The following TRMT44 variants were observed in gnomAD, a reference collection of about 807,000 sequenced individuals.
TRMT44 encodes the protein tRNA methyltransferase 44 homolog, also known as probable tRNA (uracil-O(2)-)-methyltransferase.
A neutral mutation model predicts 77.3 loss-of-function variants in TRMT44; 78 were observed. The observed-to-expected ratio is 1.01, with a 90% CI of 0.84 to 1.22. The LOEUF (loss-of-function observed/expected upper bound fraction) is 1.22. Ranked by LOEUF, TRMT44 falls within the 50% of genes most tolerant of loss-of-function variation. The pLI, the probability that TRMT44 is intolerant of heterozygous loss-of-function variation, is 0.00. For missense variants in TRMT44, 1,090 were observed against 964.4 expected (o/e 1.13, Z -1.73); for synonymous variants, 391 against 383.3 (o/e 1.02, Z -0.23).
chr4:8,443,107 G>A (rs766808063), intron 1 of TRMT44, among the ~76,000 whole-genome samples: 7 of 152,170 alleles, frequency 4.6e-5, no homozygotes, highest in Non-Finnish European at 5.9e-5. Context: ...AATACTGTCT[G>A]CCTCTGTGCC....
At chr4:8,470,917 G>T in intron 9 of TRMT44, 167 bp from the exon 10 acceptor site, 1 of 556,098 alleles carries the variant, frequency 1.8e-6, no homozygotes, top group Non-Finnish European at 3.2e-6. Context: ...CGGCCCTCAC[G>T]GTTTGGTGCG....
the TRMT44 span, among the ~76,000 whole-genome samples, chr4:8,500,713 G>C: frequency 6.6e-6 from 1 of 151,136 alleles, no homozygotes; most frequent in African/African-American, 2.4e-5. Flanking sequence ...CTGGAGTGCA[G>C]TGGCGTTGAC....
chr4:8,469,733 CTT>C (rs1266932789), intron 9 of TRMT44, among the ~76,000 whole-genome samples: 1 of 152,200 alleles, frequency 6.6e-6, no homozygotes, highest in African/African-American at 2.4e-5. Context: ...GGGTCTGGGG[CTT>C]GTTAGGGACT....
At chr4:8,450,683 C>T (rs963994089) in intron 3 of TRMT44, among the ~76,000 whole-genome samples, 26 of 152,120 alleles carry the variant, frequency 1.7e-4, no homozygotes, top group Non-Finnish European at 8.8e-5. Context: ...TGTGTTTATG[C>T]CCAGCTTAAG....
At chr4:8,499,880 T>TCACCCTG in the TRMT44 span, among the ~76,000 whole-genome samples, 3,435 of 152,186 alleles carry the variant, frequency 0.023, 73 homozygotes, top group African/African-American at 0.053. Context: ...GAGTTTACTA[T>TCACCCTG]ATAACAAACC....
At chr4:8,476,712 G>A (rs1727409446), downstream of TRMT44, 1 of 152,158 alleles carries the variant, frequency 6.6e-6, no homozygotes, top group Non-Finnish European at 1.5e-5. Flanking sequence ...GTCCTTTTTA[G>A]TCCTTCCAGA....
the TRMT44 span, among the ~76,000 whole-genome samples, chr4:8,501,323 C>T: frequency 2.2e-4 from 33 of 152,080 alleles, no homozygotes; most frequent in Admixed American, 1.4e-3. This position sits in a 1 kb window ranked among gnomAD's most constrained non-coding sequence, Gnocchi z 4.4. Flanking sequence ...CCCTGCAGTT[C>T]GAAGTCTGAG....
chr4:8,440,874 C>T lies in TRMT44; in HGVS notation c.52C>T (p.Gln18Ter). 6.6e-7 allele frequency: 1 copy of T among 1,524,428 alleles called. No individual in the cohort carries two copies. Among genetic ancestry groups the T allele is most frequent in the East Asian group, 2.5e-5 (1 of 40,116 alleles). 94.4% of individuals were successfully genotyped at this position (1,524,428 alleles called of 1,614,324 possible). A position where few individuals can be genotyped will look rare whatever the true frequency, so the allele number is the denominator to read the frequency against. Reference protein sequence around the residue: ...GISYPGALLPQGFWAAVEVWL... With the variant: ...GISYPGALLP ...CAGCTACCCAGGCGCGCTTCTCCCACAGGGCTTCTGGGCTGCGGTCGAAGT... is the reference window on the plus strand; with the variant it reads ...CAGCTACCCAGGCGCGCTTCTCCCATAGGGCTTCTGGGCTGCGGTCGAAGT... Residue 18 changes from glutamine (Q) to a stop codon, truncating the protein, a stop_gained, in exon 1 of 11, where the codon CAG becomes TAG. Coordinates refer to ENST00000389737, the MANE Select transcript of TRMT44 (RefSeq NM_152544.3). LOFTEE classifies it high-confidence loss of function.
chr4:8,468,366 A>G lies in TRMT44; in HGVS notation c.1927+20A>G. Reference sequence around the variant, plus strand: ...GGGGAGGTAAGCTGTCCACCATCTTAGGGAGGGGCTAGCACGCTCCCAGGC... The same window carrying G: ...GGGGAGGTAAGCTGTCCACCATCTTGGGGAGGGGCTAGCACGCTCCCAGGC... On this transcript the variant is annotated intron_variant, in intron 9 of 10. Transcript: ENST00000389737. 6.2e-7 allele frequency: 1 copy of G among 1,612,696 alleles called. No homozygotes were observed. The highest frequency in any genetic ancestry group is 8.5e-7 in the Non-Finnish European group (1 of 1,179,026).
At chr4:8,503,130 A>AGGACTT in the TRMT44 span, among the ~76,000 whole-genome samples, 84 of 152,182 alleles carry the variant, frequency 5.5e-4, no homozygotes, top group African/African-American at 1.9e-3. Flanking sequence ...CTGTAGAGGG[A>AGGACTT]GGACTTGGAC....
At chr4:8,471,264 A>G (rs1032435414) in intron 10 of TRMT44, 64 bp downstream of exon 10, 24 of 1,203,452 alleles carry the variant, frequency 2.0e-5, no homozygotes, top group Non-Finnish European at 4.7e-6. Context: ...CAGTTAAATA[A>G]TGTTTTATTT....
intron 2 of TRMT44, among the ~76,000 whole-genome samples, chr4:8,481,678 C>CT (rs1034686000): frequency 6.6e-6 from 1 of 152,194 alleles, no homozygotes; most frequent in South Asian, 2.1e-4. Context: ...TACTTTTAAA[C>CT]TTTTTTGTTA....
intron 10 of TRMT44, among the ~76,000 whole-genome samples, chr4:8,472,177 G>C (rs1727050058): frequency 6.6e-6 from 1 of 152,218 alleles, no homozygotes; most frequent in Non-Finnish European, 1.5e-5. Context: ...TGTGCAGGGA[G>C]AACTGGCCTG....
At chr4:8,462,685 C>T (rs1012266534) in intron 6 of TRMT44, among the ~76,000 whole-genome samples, 7 of 152,056 alleles carry the variant, frequency 4.6e-5, no homozygotes, top group Non-Finnish European at 8.8e-5. Context: ...AGCCTGGTGA[C>T]GGAGCAAGAC....
the TRMT44 span, among the ~76,000 whole-genome samples, chr4:8,499,534 G>A: frequency 1.4e-5 from 2 of 146,398 alleles, no homozygotes; most frequent in African/African-American, 5.0e-5. Context: ...GGGCAGGGGT[G>A]AGGTCGTGTG....
Position 8,473,881 on chromosome 4 carries a change from A to G in TRMT44, c.2045-1891A>G, listed in dbSNP as rs1434942449. Among the ~76,000 whole-genome samples the G allele has an allele frequency of 2.0e-5, 3 of 152,144 alleles. No individual in the cohort carries two copies. In the East Asian group the frequency reaches 5.8e-4, roughly 29 times the overall value. ...ACCTGCCATGTCCAGGGTTGTAGAC[A>G]CGGGGAGTGGGTCAGTGAGGCTGGG... is the stretch of plus-strand genomic sequence containing the variant. On this transcript the variant is annotated intron_variant, in intron 10 of 10. Transcript: ENST00000389737.
chr4:8,480,651 C>T (rs1727586363), downstream of TRMT44, among the ~76,000 whole-genome samples: 1 of 152,124 alleles, frequency 6.6e-6, no homozygotes, highest in Non-Finnish European at 1.5e-5. Flanking sequence ...CTCTCCCTGG[C>T]GCCTGCGACC....
intron 6 of TRMT44, among the ~76,000 whole-genome samples, chr4:8,458,332 G>A (rs1024656564): frequency 1.6e-4 from 24 of 152,094 alleles, no homozygotes; most frequent in African/African-American, 5.3e-4. Context: ...AGCAAGACCC[G>A]TCCCTTCTCT....
chr4:8,498,310 T>C (rs1313052388), downstream of TRMT44, among the ~76,000 whole-genome samples: 1 of 152,204 alleles, frequency 6.6e-6, no homozygotes, highest in Non-Finnish European at 1.5e-5. The surrounding 1 kb of genome is among the most constrained non-coding windows in gnomAD (Gnocchi z 4.3). Context: ...ACCTCCCTTC[T>C]TGTAGGGGTG....
Sources: allele counts gnomAD v4.1 joint callset (sites outside exome capture counted in the v4.1 genomes callset), GRCh38; gene constraint gnomAD v4.1.1; non-coding constraint Gnocchi (gnomAD v3.1); transcripts MANE v1.5; gene names NCBI Gene and HGNC (gene_info 2026-07-23, HGNC 2026-07-21).